ENKUR: variants seen among roughly 807,000 people sequenced by gnomAD.
The protein encoded by ENKUR is enkurin.
A neutral mutation model predicts 27.6 loss-of-function variants in ENKUR; 19 were observed. The ratio of observed to expected loss-of-function variants is 0.69; its 90% CI spans 0.48 to 1.01. The LOEUF (loss-of-function observed/expected upper bound fraction) is 1.01, where lower values mean the gene tolerates loss of function less well. ENKUR is among the 50% of genes least tolerant of loss of function. ENKUR has a pLI of 0.00. For synonymous variants in ENKUR, 117 were observed against 96.9 expected (o/e 1.21, Z -1.22); for missense variants, 312 against 310.5 (o/e 1.00, Z -0.04).
chr10:25,026,978 T>G (rs1850865838), intron 2 of ENKUR, among the ~76,000 whole-genome samples: 1 of 151,756 alleles, frequency 6.6e-6, no homozygotes, highest in Non-Finnish European at 1.5e-5. Flanking sequence ...ATGTATGTCT[T>G]TATTATTTTA....
At chr10:25,023,546 A>G in intron 2 of ENKUR, 1 of 1,614,148 alleles carries the variant, frequency 6.2e-7, no homozygotes, top group South Asian at 1.1e-5. Context: ...GATGTTGGTA[A>G]TGAGCAATTT....
chr10:25,041,202 G>A (rs919615318), intron 2 of ENKUR, among the ~76,000 whole-genome samples: 5 of 152,166 alleles, frequency 3.3e-5, no homozygotes, highest in Non-Finnish European at 5.9e-5. Context: ...CCTTCTGAAA[G>A]TAATTTCTTC....
intron 1 of ENKUR, among the ~76,000 whole-genome samples, chr10:25,001,600 G>T (rs1178741017): frequency 2.0e-5 from 3 of 151,636 alleles, no homozygotes; most frequent in African/African-American, 7.3e-5. Context: ...TTCTATTACT[G>T]TGTCTTCAAA....
At chr10:25,023,759 G>T in intron 2 of ENKUR, 1 of 1,613,862 alleles carries the variant, frequency 6.2e-7, no homozygotes, top group Non-Finnish European at 8.5e-7. Context: ...CAGAATTCTG[G>T]AACATCTATG....
chr10:25,054,795 G>GC (rs1253889947), intron 2 of ENKUR, among the ~76,000 whole-genome samples: 5 of 151,298 alleles, frequency 3.3e-5, no homozygotes, highest in Admixed American at 1.3e-4. Flanking sequence ...TCCCACCTCA[G>GC]CCCCCCTCAT....
At chr10:24,997,400 T>G (rs955431862) in intron 2 of ENKUR, among the ~76,000 whole-genome samples, 16 of 151,564 alleles carry the variant, frequency 1.1e-4, no homozygotes, top group Middle Eastern at 3.4e-3. Flanking sequence ...TTTTCCTCTT[T>G]TTTTGAGACA....
chr10:25,000,592 C>T (rs1850167896), intron 1 of ENKUR, among the ~76,000 whole-genome samples: 1 of 152,098 alleles, frequency 6.6e-6, no homozygotes, highest in South Asian at 2.1e-4. Flanking sequence ...AAATTCTGTG[C>T]TCTAGAATCT....
At chr10:25,059,366 A>AG (rs1431310211) in intron 2 of ENKUR, among the ~76,000 whole-genome samples, 2 of 152,188 alleles carry the variant, frequency 1.3e-5, no homozygotes, top group East Asian at 3.9e-4. Flanking sequence ...TCCTGACCTC[A>AG]GGTGATCCAC....
intron 2 of ENKUR, chr10:25,023,765 C>A: frequency 6.2e-7 from 1 of 1,613,770 alleles, no homozygotes; most frequent in Non-Finnish European, 8.5e-7. Context: ...TCTGGAACAT[C>A]TATGAAAGAC....
intron 2 of ENKUR, among the ~76,000 whole-genome samples, chr10:25,038,623 G>A (rs994289980): frequency 2.2e-4 from 33 of 152,256 alleles, no homozygotes; most frequent in Middle Eastern, 3.4e-3. Flanking sequence ...AATTTGGAGA[G>A]AACTCATCTT....
At chr10:25,009,625 T>A (rs916708778) in intron 1 of ENKUR, among the ~76,000 whole-genome samples, 2 of 152,072 alleles carry the variant, frequency 1.3e-5, no homozygotes, top group African/African-American at 2.4e-5. Flanking sequence ...GTGATATGGT[T>A]TTGCTGTGTC....
At chr10:24,994,213 TTTTC>T (rs1285844636) in intron 3 of ENKUR, among the ~76,000 whole-genome samples, 1 of 152,130 alleles carries the variant, frequency 6.6e-6, no homozygotes, top group African/African-American at 2.4e-5. Context: ...TCTTTTCTTT[TTTTC>T]TTTATCTCTC....
chr10:25,040,127 C>T (rs568032313), intron 2 of ENKUR, among the ~76,000 whole-genome samples: 105 of 151,964 alleles, frequency 6.9e-4, no homozygotes, highest in Non-Finnish European at 1.3e-3. Context: ...TGCTGGGTCC[C>T]AAAAGCAGAA....
At chr10:25,019,831 C>T (rs1850682340), upstream of ENKUR, among the ~76,000 whole-genome samples, 1 of 152,186 alleles carries the variant, frequency 6.6e-6, no homozygotes, top group Non-Finnish European at 1.5e-5. Flanking sequence ...TTCAACAGAA[C>T]CATTTTTATG....
chr10:25,009,719 G>A (rs142354802), intron 1 of ENKUR, among the ~76,000 whole-genome samples: 1 of 152,090 alleles, frequency 6.6e-6, no homozygotes, highest in Non-Finnish European at 1.5e-5. Context: ...AGTGAATCAT[G>A]GGGGTAGGTC....
chr10:25,017,621 CTTT>C (rs139511500), upstream of ENKUR, among the ~76,000 whole-genome samples: 2 of 142,156 alleles, frequency 1.4e-5, no homozygotes, highest in Admixed American at 7.0e-5. Flanking sequence ...TTAAGTTTTT[CTTT>C]TTTTTTTTTT....
At chr10:25,026,587 G>A (rs1850857279) in intron 2 of ENKUR, 1 of 165,630 alleles carries the variant, frequency 6.0e-6, no homozygotes, top group South Asian at 2.1e-4. Flanking sequence ...TTCCTTTGTA[G>A]TAATACATTT....
rs1239422163 is a variant in ENKUR at position 25,027,356 on chromosome 10, TCAAAAA to T, written c.38-31493_38-31488del. On this transcript the variant is annotated intron_variant, in intron 2 of 5. Coordinates refer to the ENKUR transcript ENST00000615958. ...TGGGTGACAGAGCAAGACTCCCGTC[TCAAAAA>T]AAAAAAAAAAAAAAAAAAAAAAAAA... Among the ~76,000 whole-genome samples, 29 of 45,736 alleles carry T rather than the reference TCAAAAA, an allele frequency of 6.3e-4. 3 individuals carry two copies. The highest frequency in any genetic ancestry group is 2.4e-3 in the South Asian group (3 of 1,234). 30.0% of individuals were successfully genotyped at this position (45,736 alleles called of 152,430 possible).
intron 1 of ENKUR, 69 bp downstream of exon 1, chr10:25,015,791 T>C (rs906589564): frequency 7.3e-7 from 1 of 1,374,638 alleles, no homozygotes; most frequent in Non-Finnish European, 9.8e-7. Flanking sequence ...TTCCAGTATA[T>C]GTATGCTTAA....
Sources: gnomAD v4.1 joint callset for allele counts (sites outside exome capture counted in the v4.1 genomes callset) on GRCh38, gnomAD v4.1.1 for gene constraint, MANE v1.5 for transcripts, NCBI Gene and HGNC (gene_info 2026-07-23, HGNC 2026-07-21) for gene names.